HSF5: variants seen among roughly 807,000 people sequenced by gnomAD.
The protein encoded by HSF5 is heat shock transcription factor 5, also known as heat shock factor protein 5.
In HSF5, 5 loss-of-function variants were observed where a neutral mutation model predicts 50.8. The ratio of observed to expected loss-of-function variants is 0.10; its 90% CI spans 0.05 to 0.21. The LOEUF (loss-of-function observed/expected upper bound fraction) is 0.21, where lower values mean the gene tolerates loss of function less well. HSF5 is among the 10% of genes least tolerant of loss of function. HSF5 has a pLI of 1.00. For synonymous variants in HSF5, 307 were observed against 307.4 expected (o/e 1.00, Z 0.02); for missense variants, 564 against 762.6 (o/e 0.74, Z 3.07).
At chr17:58,425,575 C>CAAAAAAAA (rs66502039) in intron 5 of HSF5, among the ~76,000 whole-genome samples, 16 of 32,986 alleles carry the variant, frequency 4.9e-4, no homozygotes, top group South Asian at 2.1e-3. Flanking sequence ...ACCTCTATCT[C>CAAAAAAAA]AAAAAAAAAA....
In HSF5 at chr17:58,432,998, C is replaced by CCATTCATTCATT. The variant is rs35728420; in HGVS notation, c.1721-10580_1721-10569dup. On this transcript the variant is annotated intron_variant, in intron 5 of 5. Transcript: ENST00000323777. Reference sequence around the variant, plus strand: ...GTGGCTGACCAGATGACTAGAAGTACCATTCATTCATTCATTCATTCATTC... The same window carrying CCATTCATTCATT: ...GTGGCTGACCAGATGACTAGAAGTACCATTCATTCATTCATTCATTCATTCATTCATTCATTC... Among the ~76,000 whole-genome samples the CCATTCATTCATT allele has an allele frequency of 4.6e-5, 7 of 151,376 alleles. No homozygotes were observed. The South Asian group carries it at 6.3e-4, about 14-fold the overall frequency.
At chr17:58,480,762 G>GCTATCGAT (rs71365893) in intron 1 of HSF5, among the ~76,000 whole-genome samples, 1 of 146,374 alleles carries the variant, frequency 6.8e-6, no homozygotes, top group Non-Finnish European at 1.5e-5. Flanking sequence ...AACGCTCTTT[G>GCTATCGAT]CTATCTATCT....
intron 5 of HSF5, among the ~76,000 whole-genome samples, chr17:58,452,736 G>A (rs1302279338): frequency 6.6e-6 from 1 of 152,238 alleles, no homozygotes; most frequent in Non-Finnish European, 1.5e-5. Flanking sequence ...GCGATGTGAG[G>A]AGCACCTCTG....
chr17:58,435,141 T>C (rs755574619), intron 5 of HSF5, among the ~76,000 whole-genome samples: 7 of 152,092 alleles, frequency 4.6e-5, no homozygotes, highest in Non-Finnish European at 4.4e-5. Flanking sequence ...AGGAGGAGTG[T>C]TGGAAACGGA....
intron 5 of HSF5, among the ~76,000 whole-genome samples, chr17:58,435,692 G>A (rs1411187709): frequency 6.6e-6 from 1 of 152,090 alleles, no homozygotes. Flanking sequence ...GCGAGCAGGA[G>A]ATCGAGACCA....
chr17:58,449,024 GTTTCT>G (rs1397203843), intron 5 of HSF5, among the ~76,000 whole-genome samples: 2 of 152,096 alleles, frequency 1.3e-5, no homozygotes, highest in Non-Finnish European at 2.9e-5. Flanking sequence ...TTGTTTGTTT[GTTTCT>G]TTTCTTTTCT....
At chr17:58,453,762 A>G (rs1300307361) in intron 5 of HSF5, among the ~76,000 whole-genome samples, 2 of 152,264 alleles carry the variant, frequency 1.3e-5, no homozygotes, top group East Asian at 3.9e-4. Context: ...CCACATGATC[A>G]TTTCAACAGA....
chr17:58,438,332 T>G (rs888928496), intron 5 of HSF5, among the ~76,000 whole-genome samples: 1 of 152,196 alleles, frequency 6.6e-6, no homozygotes, highest in Admixed American at 6.5e-5. Flanking sequence ...AGGTATGTAG[T>G]AGGCAACATC....
chr17:58,472,502 A>C (rs375573551), intron 2 of HSF5, among the ~76,000 whole-genome samples: 1 of 152,120 alleles, frequency 6.6e-6, no homozygotes, highest in Non-Finnish European at 1.5e-5. Flanking sequence ...AAAAATAAAC[A>C]CAGCTTTTAA....
intron 5 of HSF5, among the ~76,000 whole-genome samples, chr17:58,427,774 T>C (rs2143725737): frequency 6.6e-6 from 1 of 152,360 alleles, no homozygotes; most frequent in Middle Eastern, 3.4e-3. Context: ...CTCCTCACTC[T>C]CCTAAGGGCT....
intron 5 of HSF5, among the ~76,000 whole-genome samples, chr17:58,453,853 C>T (rs1230291186): frequency 1.3e-5 from 2 of 152,036 alleles, no homozygotes; most frequent in Middle Eastern, 3.2e-3. Context: ...CTTTGGGAGG[C>T]CGAGGTGGGC....
chr17:58,482,974 T>C (rs1007536892), intron 1 of HSF5, among the ~76,000 whole-genome samples: 10 of 151,612 alleles, frequency 6.6e-5, no homozygotes, highest in Non-Finnish European at 1.3e-4. Flanking sequence ...AAACAGTTTT[T>C]ACGCTGCTTG....
chr17:58,487,363 G>C (rs1975199674), intron 1 of HSF5, among the ~76,000 whole-genome samples: 1 of 152,210 alleles, frequency 6.6e-6, no homozygotes, highest in Admixed American at 6.5e-5. Flanking sequence ...GTTTACAGTG[G>C]ACAGTGTGGG....
At position 58,466,995 on chromosome 17, in the gene HSF5, A is replaced by G; in HGVS notation, c.926-16T>C. 1 of 1,550,684 alleles carries G rather than the reference A, an allele frequency of 6.4e-7. No homozygotes were observed. Among genetic ancestry groups the G allele is most frequent in the East Asian group, 2.2e-5 (1 of 44,548 alleles). ...TGTAGCACAGCTGGAACAAATTCAA[A>G]CACAGAAAAGCCATCAACCACAATA... On this transcript the variant is annotated splice_polypyrimidine_tract_variant and intron_variant, in intron 2 of 5. Coordinates refer to ENST00000323777, the MANE Select transcript of HSF5 (RefSeq NM_001080439.3).
chr17:58,425,527 G>A (rs1974283448), intron 5 of HSF5, among the ~76,000 whole-genome samples: 2 of 116,206 alleles, frequency 1.7e-5, no homozygotes, highest in South Asian at 5.8e-4. Context: ...TTGCATCTGT[G>A]AATAGCCACT....
chr17:58,471,849 T>C (rs1170108522), intron 2 of HSF5, among the ~76,000 whole-genome samples: 1 of 152,108 alleles, frequency 6.6e-6, no homozygotes, highest in Non-Finnish European at 1.5e-5. Context: ...AAAGTGTTAA[T>C]ATCTAGGCTT....
chr17:58,448,100 C>T (rs1001284721), intron 5 of HSF5, among the ~76,000 whole-genome samples: 2 of 134,638 alleles, frequency 1.5e-5, no homozygotes, highest in African/African-American at 2.8e-5. Context: ...GGCCACTGCA[C>T]TCCAGCCTGG....
chr17:58,477,004 G>T, intron 2 of HSF5: 1 of 581,510 alleles, frequency 1.7e-6, no homozygotes, highest in Non-Finnish European at 3.1e-6. Context: ...GGAACAGGCA[G>T]GCAGCTTCCC....
At chr17:58,467,285 T>C (rs1974880186) in intron 2 of HSF5, among the ~76,000 whole-genome samples, 2 of 152,232 alleles carry the variant, frequency 1.3e-5, no homozygotes, top group Admixed American at 6.5e-5. Context: ...GTAATTTCAT[T>C]TTATTGAAAA....
Sources: allele counts gnomAD v4.1 joint callset (sites outside exome capture counted in the v4.1 genomes callset), GRCh38; gene constraint gnomAD v4.1.1; transcripts MANE v1.5; gene names NCBI Gene and HGNC (gene_info 2026-07-23, HGNC 2026-07-21).